Variants in APBA2 observed in about 807,000 individuals in gnomAD.
APBA2 encodes amyloid beta precursor protein binding family A member 2.
APBA2 carries 30 observed loss-of-function variants against 75.0 expected under a neutral mutation model. The ratio of observed to expected loss-of-function variants is 0.40; its 90% CI spans 0.30 to 0.54. The LOEUF is 0.54. Among genes scored for constraint, APBA2 ranks in the 20% least tolerant of loss-of-function variants. The pLI, the probability that APBA2 is intolerant of heterozygous loss-of-function variation, is 0.49. For synonymous variants in APBA2, 444 were observed against 409.6 expected (o/e 1.08, Z -1.01); for missense variants, 801 against 1,016.1 (o/e 0.79, Z 2.88).
At chr15:29,068,545 G>T (rs1198504565) in intron 4 of APBA2, among the ~76,000 whole-genome samples, 4 of 152,222 alleles carry the variant, frequency 2.6e-5, no homozygotes, top group Non-Finnish European at 5.9e-5. Flanking sequence ...GCCCTCTTGT[G>T]GGGGAAGGAT....
chr15:29,029,578 C>T (rs1340856358), intron 3 of APBA2, among the ~76,000 whole-genome samples: 1 of 151,816 alleles, frequency 6.6e-6, no homozygotes, highest in Non-Finnish European at 1.5e-5. Flanking sequence ...ATGGGAACCC[C>T]AGGGGGAGCA....
At chr15:28,907,782 T>G (rs2033206171) in intron 1 of APBA2, among the ~76,000 whole-genome samples, 1 of 152,192 alleles carries the variant, frequency 6.6e-6, no homozygotes, top group Non-Finnish European at 1.5e-5. Context: ...TGTGTGATGC[T>G]GAAAACCAGG....
At chr15:28,966,544 C>T (rs1043523653) in intron 2 of APBA2, among the ~76,000 whole-genome samples, 1 of 152,094 alleles carries the variant, frequency 6.6e-6, no homozygotes, top group African/African-American at 2.4e-5. Context: ...TGTCTTTTCC[C>T]ATCCTTTACT....
At chr15:28,928,835 T>C (rs935407390) in intron 2 of APBA2, among the ~76,000 whole-genome samples, 1 of 152,136 alleles carries the variant, frequency 6.6e-6, no homozygotes, top group Admixed American at 6.5e-5. Flanking sequence ...TGGGCCCCCC[T>C]AAGACTGTGG....
intron 1 of APBA2, among the ~76,000 whole-genome samples, chr15:28,911,191 C>G (rs1235158121): frequency 1.3e-5 from 2 of 152,138 alleles, no homozygotes; most frequent in Admixed American, 6.5e-5. Context: ...GATTTGGGGA[C>G]TCTGTTGCAC....
chr15:29,038,792 G>A (rs1362261988), intron 3 of APBA2, among the ~76,000 whole-genome samples: 1 of 148,818 alleles, frequency 6.7e-6, no homozygotes, highest in Non-Finnish European at 1.5e-5. Context: ...TCTTGCCTCA[G>A]CCTCCCGAGT....
At chr15:28,949,398 C>T (rs1215485546) in intron 2 of APBA2, among the ~76,000 whole-genome samples, 2 of 152,102 alleles carry the variant, frequency 1.3e-5, no homozygotes, top group African/African-American at 4.8e-5. Context: ...TGGATGGATG[C>T]GTTAACCAGC....
At chr15:29,081,871 T>C (rs1003981899) in intron 6 of APBA2, among the ~76,000 whole-genome samples, 28 of 152,124 alleles carry the variant, frequency 1.8e-4, no homozygotes, top group African/African-American at 6.5e-4. Flanking sequence ...TGTGTTTGGG[T>C]GTGGGTTCTT....
intron 1 of APBA2, among the ~76,000 whole-genome samples, chr15:28,887,858 G>T (rs36144894): frequency 6.6e-6 from 1 of 151,728 alleles, no homozygotes; most frequent in East Asian, 1.9e-4. Flanking sequence ...TGGCATTAGC[G>T]ATGGGGCACC....
At chr15:29,105,639 G>A (rs935455151) in intron 11 of APBA2, 81 bp downstream of exon 11, 1 of 1,491,212 alleles carries the variant, frequency 6.7e-7, no homozygotes, top group Admixed American at 1.7e-5. Flanking sequence ...AGCCTTCCCG[G>A]GGTCCTCACG....
rs143524452 is a variant in APBA2, at chr15:28,904,076, G to C, written c.-204-17564G>C. ...TTAGCATTACAGCGATTTTTGGCAA[G>C]AGAGAACACTTTTATTTAAAAAACA... On this transcript the variant is annotated intron_variant, in intron 1 of 14. Coordinates refer to ENST00000683413, the MANE Select transcript of APBA2 (RefSeq NM_001353788.2). Among the ~76,000 whole-genome samples the C allele has an allele frequency of 1.4e-3, 207 of 152,348 alleles. 1 individual carries two copies. Among genetic ancestry groups the C allele is most frequent in the Middle Eastern group, 3.4e-3 (1 of 294 alleles).
intron 3 of APBA2, among the ~76,000 whole-genome samples, chr15:29,050,021 C>T (rs1465360491): frequency 6.6e-6 from 1 of 152,136 alleles, no homozygotes; most frequent in Non-Finnish European, 1.5e-5. Context: ...CCAAATGAAT[C>T]TCACATAAAA....
intron 2 of APBA2, among the ~76,000 whole-genome samples, chr15:28,973,297 A>G (rs1045803029): frequency 2.6e-5 from 4 of 152,242 alleles, no homozygotes; most frequent in African/African-American, 9.6e-5. Context: ...GAGTAAGAGC[A>G]CAGATGATGA....
At chr15:29,114,088 C>A in intron 14 of APBA2, 72 bp downstream of exon 14, 1 of 1,604,694 alleles carries the variant, frequency 6.2e-7, no homozygotes, top group Non-Finnish European at 8.5e-7. Flanking sequence ...CATGAGCCTC[C>A]CCCGCTCCAG....
intron 2 of APBA2, among the ~76,000 whole-genome samples, chr15:28,922,345 G>C (rs1460699531): frequency 1.3e-5 from 2 of 152,208 alleles, no homozygotes; most frequent in Non-Finnish European, 2.9e-5. Flanking sequence ...CCCTCCCCAG[G>C]GGCAGCAGCA....
chr15:29,071,389 G>A (rs1280732434), intron 4 of APBA2, among the ~76,000 whole-genome samples: 1 of 151,662 alleles, frequency 6.6e-6, no homozygotes, highest in Non-Finnish European at 1.5e-5. Flanking sequence ...GGGGACACAC[G>A]CTGATTCTCA....
rs970918384 is a variant in APBA2, at chr15:29,108,542, A to C, written c.2037+153A>C. 7.4e-6 allele frequency: 9 copies of C among 1,209,664 alleles called. 1 individual carries two copies. The highest frequency in any genetic ancestry group is 1.1e-5 in the Non-Finnish European group (9 of 853,506). The allele number at this position is 1,209,664 out of a possible 1,614,324, so 74.9% of individuals were successfully genotyped here. A position where few individuals can be genotyped will look rare whatever the true frequency, so the allele number is the denominator to read the frequency against. On this transcript the variant is annotated intron_variant, in intron 13 of 14. Transcript: ENST00000683413. ...CCACAGCCAGGCCACCTGGGGCAGG[A>C]ACTTTCCATGGCTCTCTGGGAGGTC... is the stretch of plus-strand genomic sequence containing the variant.
intron 2 of APBA2, among the ~76,000 whole-genome samples, chr15:28,975,648 G>A (rs2037294951): frequency 6.6e-6 from 1 of 152,094 alleles, no homozygotes. Flanking sequence ...GGTTGCATTA[G>A]GAAAAAAACA....
intron 2 of APBA2, among the ~76,000 whole-genome samples, chr15:28,973,464 G>A (rs2037175505): frequency 1.3e-5 from 2 of 152,222 alleles, no homozygotes; most frequent in South Asian, 4.2e-4. Flanking sequence ...ATTATTACTG[G>A]TTATTATGTG....
Sources: allele counts gnomAD v4.1 joint callset (sites outside exome capture counted in the v4.1 genomes callset), GRCh38; gene constraint gnomAD v4.1.1; transcripts MANE v1.5; gene names NCBI Gene and HGNC (gene_info 2026-07-23, HGNC 2026-07-21).